CNTNAP2: variants seen among roughly 807,000 people sequenced by gnomAD.
CNTNAP2 encodes contactin associated protein 2.
In CNTNAP2, 98 loss-of-function variants were observed where a neutral mutation model predicts 155.2. That is an observed-to-expected ratio of 0.63 (90% CI 0.54 to 0.75). The LOEUF (loss-of-function observed/expected upper bound fraction) is 0.75. Among genes scored for constraint, CNTNAP2 ranks in the 30% least tolerant of loss-of-function variants. The pLI, the probability that CNTNAP2 is intolerant of heterozygous loss-of-function variation, is 0.00. For missense variants in CNTNAP2, 1,727 were observed against 1,688.1 expected, an observed-to-expected ratio of 1.02 and a Z score of -0.40; for synonymous variants, 651 against 631.2, an observed-to-expected ratio of 1.03 and a Z score of -0.47.
At chr7:147,307,413 A>C (rs1243367910) in intron 9 of CNTNAP2, among the ~76,000 whole-genome samples, 3 of 148,650 alleles carry the variant, frequency 2.0e-5, no homozygotes, top group Middle Eastern at 6.8e-3. Context: ...CCCTATCTCT[A>C]CTAAAAAAAA....
chr7:146,674,908 C>CA (rs1800371337), intron 1 of CNTNAP2, among the ~76,000 whole-genome samples: 1 of 152,160 alleles, frequency 6.6e-6, no homozygotes, highest in African/African-American at 2.4e-5. Context: ...GACACCTTTA[C>CA]AGGTATAAGT....
At chr7:147,448,158 T>C (rs1584953842) in intron 10 of CNTNAP2, among the ~76,000 whole-genome samples, 2 of 152,156 alleles carry the variant, frequency 1.3e-5, no homozygotes, top group Non-Finnish European at 2.9e-5. Flanking sequence ...AAAAGTGATA[T>C]ATAGTATTTA....
intron 11 of CNTNAP2, among the ~76,000 whole-genome samples, chr7:147,488,758 G>A (rs1798554189): frequency 6.6e-6 from 1 of 151,958 alleles, no homozygotes; most frequent in African/African-American, 2.4e-5. Flanking sequence ...CTTTTTGCTT[G>A]GTCACTCTGC....
intron 1 of CNTNAP2, among the ~76,000 whole-genome samples, chr7:146,220,263 T>C (rs2116896082): frequency 6.9e-6 from 1 of 144,816 alleles, no homozygotes; most frequent in Middle Eastern, 3.4e-3. Context: ...TTCATGAAAA[T>C]CTTGAAGTAT....
At chr7:148,366,747 C>G (rs1207112612) in intron 21 of CNTNAP2, among the ~76,000 whole-genome samples, 2 of 152,156 alleles carry the variant, frequency 1.3e-5, no homozygotes, top group African/African-American at 4.8e-5. Flanking sequence ...TTTCCAGATA[C>G]TTTTGCAGAA....
At chr7:147,316,721 G>A (rs1268257466) in intron 9 of CNTNAP2, among the ~76,000 whole-genome samples, 3 of 151,526 alleles carry the variant, frequency 2.0e-5, no homozygotes, top group Non-Finnish European at 4.4e-5. Context: ...TTATATACAA[G>A]AATGTTTATT....
At chr7:147,456,845 T>A (rs1214028157) in intron 10 of CNTNAP2, among the ~76,000 whole-genome samples, 2 of 152,124 alleles carry the variant, frequency 1.3e-5, no homozygotes, top group Non-Finnish European at 2.9e-5. Flanking sequence ...ATCAAACATT[T>A]GTAGAAAGAA....
intron 10 of CNTNAP2, among the ~76,000 whole-genome samples, chr7:147,398,623 T>A (rs1443387461): frequency 7.6e-6 from 1 of 132,252 alleles, no homozygotes; most frequent in Non-Finnish European, 1.6e-5. Context: ...TGTGTGTAGA[T>A]TTGCATGTGG....
chr7:147,509,052 C>T (rs552987184), intron 11 of CNTNAP2, among the ~76,000 whole-genome samples: 1 of 152,262 alleles, frequency 6.6e-6, no homozygotes, highest in East Asian at 1.9e-4. Context: ...AACCTTTACC[C>T]AGTTCCCACT....
At chr7:146,925,346 T>TA (rs1475900216) in intron 3 of CNTNAP2, among the ~76,000 whole-genome samples, 3 of 152,102 alleles carry the variant, frequency 2.0e-5, no homozygotes, top group African/African-American at 7.2e-5. Flanking sequence ...TTACTTTCAT[T>TA]AAAAATCAAT....
At chr7:146,519,018 T>G (rs978677838) in intron 1 of CNTNAP2, among the ~76,000 whole-genome samples, 1 of 151,972 alleles carries the variant, frequency 6.6e-6, no homozygotes, top group Admixed American at 6.6e-5. Context: ...CTTTCTACAT[T>G]AAACAGTTTA....
intron 8 of CNTNAP2, among the ~76,000 whole-genome samples, chr7:147,178,194 G>T (rs921088166): frequency 1.6e-4 from 24 of 152,302 alleles, no homozygotes; most frequent in African/African-American, 5.1e-4. Flanking sequence ...GGTGGGCTGA[G>T]TGTCATCACA....
At chr7:147,931,907 A>G (rs1800511675) in intron 14 of CNTNAP2, among the ~76,000 whole-genome samples, 1 of 151,852 alleles carries the variant, frequency 6.6e-6, no homozygotes, top group African/African-American at 2.4e-5. Flanking sequence ...TTATTTTGAG[A>G]CAGGGTCTCA....
chr7:147,482,442 C>T (rs970495268), intron 10 of CNTNAP2, among the ~76,000 whole-genome samples: 4 of 152,120 alleles, frequency 2.6e-5, no homozygotes, highest in African/African-American at 7.2e-5. Context: ...GAATCAGGCC[C>T]GTGTGGTGGC....
chr7:147,929,703 T>C (rs1800463319), intron 14 of CNTNAP2, among the ~76,000 whole-genome samples: 1 of 152,198 alleles, frequency 6.6e-6, no homozygotes. Flanking sequence ...TCAAATTTTT[T>C]AATCTCAGTA....
chr7:148,044,810 G>A (rs1802747590), intron 15 of CNTNAP2: 1 of 152,310 alleles, frequency 6.6e-6, no homozygotes, highest in Non-Finnish European at 1.5e-5. Flanking sequence ...TGTGTCTAGT[G>A]TATGTTTTGT....
At position 147,990,926 on chromosome 7, in the gene CNTNAP2, A is replaced by G. The variant is rs538538724; in HGVS notation, c.2383+12937A>G. On this transcript the variant is annotated intron_variant, in intron 15 of 23. Coordinates refer to ENST00000361727, the MANE Select transcript of CNTNAP2 (RefSeq NM_014141.6). The stretch of plus-strand genomic sequence containing the variant: ...CCTCCCTGGAGATCAGGCTGATATC[A>G]GGAAGCTCAAAGCCTCAACCCTCTA... 3.5e-3 allele frequency among the ~76,000 whole-genome samples: 536 copies of G among 152,248 alleles called. 2 individuals are homozygous for G. The highest frequency in any genetic ancestry group is 5.3e-3 in the Non-Finnish European group (358 of 68,014).
intron 13 of CNTNAP2, among the ~76,000 whole-genome samples, chr7:147,667,778 T>C (rs1358977709): frequency 6.6e-6 from 1 of 150,488 alleles, no homozygotes; most frequent in Non-Finnish European, 1.5e-5. Flanking sequence ...GAAGGACTTT[T>C]ACCCAGGCTG....
chr7:147,443,709 G>C (rs1026192256), intron 10 of CNTNAP2, among the ~76,000 whole-genome samples: 3 of 152,118 alleles, frequency 2.0e-5, no homozygotes, highest in African/African-American at 7.2e-5. Flanking sequence ...TTTCTGTATA[G>C]GCCTTCCAGA....
Sources: allele counts gnomAD v4.1 joint callset (sites outside exome capture counted in the v4.1 genomes callset), GRCh38; gene constraint gnomAD v4.1.1; transcripts MANE v1.5; gene names NCBI Gene and HGNC (gene_info 2026-07-23, HGNC 2026-07-21).